The following PCDHGB2 variants were observed in gnomAD, a reference collection of about 807,000 sequenced individuals.
PCDHGB2 encodes the protein protocadherin gamma-B2.
Under a neutral mutation model 59.3 loss-of-function variants are expected in PCDHGB2, and 55 were observed. That is an observed-to-expected ratio of 0.93 (90% CI 0.75 to 1.16). PCDHGB2 has a LOEUF of 1.16. Ranked by LOEUF, PCDHGB2 falls within the 50% of genes most tolerant of loss-of-function variation. PCDHGB2 has a pLI of 0.00. For synonymous variants in PCDHGB2, 516 were observed against 512.0 expected (o/e 1.01, Z -0.11); for missense variants, 1,228 against 1,198.5 (o/e 1.02, Z -0.36).
In PCDHGB2 at chr5:141,431,339, TTGG is replaced by T. The variant is rs750589924; in HGVS notation, c.2422-63465_2422-63463del. ...AGCCGACGGTAGTAAGTACCCCGAA[TTGG>T]TGCTGAAACGCGCCCTGGACCGCGA... is the stretch of plus-strand genomic sequence containing the variant. On this transcript the variant is annotated intron_variant, in intron 1 of 3. Coordinates refer to ENST00000522605, the MANE Select transcript of PCDHGB2 (RefSeq NM_018923.3). The surrounding 1 kb of genome is among the most constrained non-coding windows in gnomAD (Gnocchi z 4.8). 4 of 1,614,060 alleles carry T rather than the reference TTGG, an allele frequency of 2.5e-6. No individual in the cohort carries two copies. The Admixed American group carries it at 6.7e-5, about 27-fold the overall frequency.
chr5:141,389,084 T>C (rs376665735), intron 1 of PCDHGB2: 12 of 1,613,880 alleles, frequency 7.4e-6, no homozygotes, highest in Admixed American at 1.7e-5. Flanking sequence ...GAAACACGTA[T>C]AAATTAGTGA....
intron 1 of PCDHGB2, chr5:141,395,043 G>A: frequency 6.2e-7 from 1 of 1,614,150 alleles, no homozygotes. Flanking sequence ...TGTGGGTGTT[G>A]AGGAGGTACA....
At chr5:141,458,437 C>T (rs777855535) in intron 1 of PCDHGB2, among the ~76,000 whole-genome samples, 1 of 152,026 alleles carries the variant, frequency 6.6e-6, no homozygotes, top group Non-Finnish European at 1.5e-5. Flanking sequence ...AGAGGAGGTC[C>T]CCCACATTAA....
intron 1 of PCDHGB2, chr5:141,440,405 CCACTG>C (rs2098176019): frequency 6.6e-6 from 1 of 152,126 alleles, no homozygotes; most frequent in South Asian, 2.1e-4. Flanking sequence ...GGCAATCGCA[CCACTG>C]CACTCCAGCC....
chr5:141,489,205 G>A lies in PCDHGB2; in HGVS notation c.2422-5602G>A. 2.1e-6 allele frequency: 3 copies of A among 1,438,682 alleles called. No homozygotes were observed. Among genetic ancestry groups the A allele is most frequent in the Non-Finnish European group, 1.9e-6 (2 of 1,060,944 alleles). 89.1% of individuals were successfully genotyped at this position (1,438,682 alleles called of 1,614,324 possible). On this transcript the variant is annotated intron_variant, in intron 1 of 3. Coordinates refer to ENST00000522605, the MANE Select transcript of PCDHGB2 (RefSeq NM_018923.3). The surrounding 1 kb of genome is among the most constrained non-coding windows in gnomAD (Gnocchi z 4.5). ...CTGGGTCTACCTTGGAGACAGGACA[G>A]CACAGACTTACTCTCCACAAAGGGA...
rs562156266 is a variant in PCDHGB2, at chr5:141,467,826, T to C, written c.2422-26981T>C. On this transcript the variant is annotated intron_variant, in intron 1 of 3. Transcript: ENST00000522605. ...GGCACATGCCACCACACCAGGCTGA[T>C]TTTTATATTTTTTTGTAGAATGAGA... Among the ~76,000 whole-genome samples, 96 of 151,894 alleles carry C rather than the reference T, an allele frequency of 6.3e-4. 3 individuals carry two copies. Among genetic ancestry groups the C allele is most frequent in the Admixed American group, 6.2e-3 (95 of 15,236 alleles).
At chr5:141,403,559 G>C (rs1281537625) in intron 1 of PCDHGB2, 1 of 1,613,974 alleles carries the variant, frequency 6.2e-7, no homozygotes. Flanking sequence ...CCTGGACAGG[G>C]AGGAGGCAAC....
chr5:141,399,263 A>G, intron 1 of PCDHGB2: 9 of 1,613,918 alleles, frequency 5.6e-6, no homozygotes, highest in Non-Finnish European at 7.6e-6. Context: ...GGGGAGGTTA[A>G]TTGTCAATTA....
Position 141,418,514 on chromosome 5 carries a change from G to A in PCDHGB2, c.2421+55958G>A. Reference sequence around the variant, plus strand: ...GGTACTGACCGCCTTAGATGGTGGGGACCCTCCCCGAAGCGGTACTGCTCA... The same window carrying A: ...GGTACTGACCGCCTTAGATGGTGGGAACCCTCCCCGAAGCGGTACTGCTCA... On this transcript the variant is annotated intron_variant, in intron 1 of 3. Transcript: ENST00000522605. 1 of 1,613,996 alleles carries A rather than the reference G, an allele frequency of 6.2e-7. No homozygotes were observed.
chr5:141,423,150 G>A, intron 1 of PCDHGB2: 1 of 1,613,538 alleles, frequency 6.2e-7, no homozygotes, highest in Non-Finnish European at 8.5e-7. Flanking sequence ...CGCTCAAGCA[G>A]AGCCTCGTGG....
chr5:141,366,824 C>A, intron 1 of PCDHGB2: 1 of 1,535,428 alleles, frequency 6.5e-7, no homozygotes, highest in Non-Finnish European at 8.8e-7. Context: ...CTGTCATATT[C>A]AGAATCAGCT....
chr5:141,476,018 A>G lies in PCDHGB2; in HGVS notation c.2422-18789A>G. 7.3e-7 allele frequency: 1 copy of G among 1,371,412 alleles called. No homozygotes were observed. Among genetic ancestry groups the G allele is most frequent in the African/African-American group, 1.4e-5 (1 of 69,226 alleles). The allele number at this position is 1,371,412 out of a possible 1,614,324, so 85.0% of individuals were successfully genotyped here. A position where few individuals can be genotyped will look rare whatever the true frequency, so the allele number is the denominator to read the frequency against. The stretch of plus-strand genomic sequence containing the variant: ...AACGGCATCCAGAAAGCCATGTCGG[A>G]CTCGGCGCCCAGCGCCCAAGCGCTA... On this transcript the variant is annotated intron_variant, in intron 1 of 3. Coordinates refer to ENST00000522605, the MANE Select transcript of PCDHGB2 (RefSeq NM_018923.3). This position sits in a 1 kb window ranked among gnomAD's most constrained non-coding sequence, Gnocchi z 7.6.
chr5:141,414,592 G>T, intron 1 of PCDHGB2: 1 of 1,613,920 alleles, frequency 6.2e-7, no homozygotes, highest in Non-Finnish European at 8.5e-7. Flanking sequence ...CGCCAGGGGT[G>T]CCTCCATCTT....
rs2099619316 is a variant in PCDHGB2, at chr5:141,485,794, C to A, written c.2422-9013C>A. The A allele has an allele frequency of 6.2e-7, 1 of 1,614,120 alleles. No homozygotes were observed. The highest frequency in any genetic ancestry group is 1.1e-5 in the South Asian group (1 of 91,092). On this transcript the variant is annotated intron_variant, in intron 1 of 3. Transcript: ENST00000522605. This position sits in a 1 kb window ranked among gnomAD's most constrained non-coding sequence, Gnocchi z 5.7. ...CTTTGGATCGAGAGAAGCAATCGGA[C>A]TACCGCCTGGTGCTGACTGCTGTCG...
intron 1 of PCDHGB2, chr5:141,424,576 C>CA (rs2096829154): frequency 6.6e-6 from 1 of 152,132 alleles, no homozygotes; most frequent in African/African-American, 2.4e-5. Context: ...AACCTATTTT[C>CA]AAATGTGCTA....
chr5:141,424,750 A>T (rs2096838482), intron 1 of PCDHGB2: 1 of 152,114 alleles, frequency 6.6e-6, no homozygotes, highest in Admixed American at 6.5e-5. Context: ...CTTTCTTTAT[A>T]AGGTCATTCT....
intron 1 of PCDHGB2, chr5:141,377,860 A>G (rs1236316198): frequency 6.6e-6 from 1 of 152,192 alleles, no homozygotes; most frequent in Non-Finnish European, 1.5e-5. Context: ...ATTAAGATTT[A>G]AAAGACTTCT....
chr5:141,444,373 G>A (rs2098434682), intron 1 of PCDHGB2, among the ~76,000 whole-genome samples: 1 of 151,902 alleles, frequency 6.6e-6, no homozygotes, highest in South Asian at 2.1e-4. Context: ...GTTTCTCCAT[G>A]TTGGTCAGGC....
intron 1 of PCDHGB2, chr5:141,428,374 C>G: frequency 1.9e-6 from 1 of 530,640 alleles, no homozygotes; most frequent in South Asian, 1.9e-5. Context: ...CTTGCACCTG[C>G]GATGCTCTTC....
Sources: allele counts gnomAD v4.1 joint callset (sites outside exome capture counted in the v4.1 genomes callset), GRCh38; gene constraint gnomAD v4.1.1; non-coding constraint Gnocchi (gnomAD v3.1); transcripts MANE v1.5; gene names NCBI Gene and HGNC (gene_info 2026-07-23, HGNC 2026-07-21).